Variants in TRERF1 observed in about 807,000 individuals in gnomAD.
TRERF1 encodes transcriptional regulating factor 1, also known as transcriptional-regulating factor 1.
Under a neutral mutation model 122.9 loss-of-function variants are expected in TRERF1, and 27 were observed. The observed-to-expected ratio is 0.22, with a 90% confidence interval of 0.16 to 0.30. The LOEUF (loss-of-function observed/expected upper bound fraction) is 0.30, where lower values mean the gene tolerates loss of function less well. Ranked by LOEUF, TRERF1 falls within the 10% of genes least tolerant of loss-of-function variation. The pLI is 1.00. For synonymous variants in TRERF1, 636 were observed against 641.7 expected (o/e 0.99, Z 0.13); for missense variants, 1,248 against 1,560.3 (o/e 0.80, Z 3.37).
At chr6:42,389,260 T>C (rs1328801552) in intron 2 of TRERF1, among the ~76,000 whole-genome samples, 1 of 152,164 alleles carries the variant, frequency 6.6e-6, no homozygotes, top group Non-Finnish European at 1.5e-5. Flanking sequence ...AGTCTGCCTA[T>C]CTATCAGCAA....
At chr6:42,385,733 T>G (rs1776693833) in intron 2 of TRERF1, among the ~76,000 whole-genome samples, 1 of 152,240 alleles carries the variant, frequency 6.6e-6, no homozygotes, top group African/African-American at 2.4e-5. Flanking sequence ...TGCCACTTCA[T>G]CATAAAATAA....
intron 3 of TRERF1, among the ~76,000 whole-genome samples, chr6:42,328,608 A>G (rs906392773): frequency 6.6e-6 from 1 of 152,104 alleles, no homozygotes; most frequent in Non-Finnish European, 1.5e-5. Context: ...TTTGGTTCCT[A>G]GCCCTAATTT....
intron 2 of TRERF1, among the ~76,000 whole-genome samples, chr6:42,371,825 C>G (rs1042637188): frequency 6.6e-6 from 1 of 152,148 alleles, no homozygotes. Flanking sequence ...AGGGGGAAAT[C>G]TTGCCCTGTA....
At chr6:42,418,197 C>T (rs1782133012) in intron 2 of TRERF1, among the ~76,000 whole-genome samples, 1 of 110,114 alleles carries the variant, frequency 9.1e-6, no homozygotes, top group Admixed American at 9.9e-5. Context: ...CTCTCTTTCT[C>T]TCCTTCTTTC....
intron 4 of TRERF1, among the ~76,000 whole-genome samples, chr6:42,294,455 C>T (rs893736431): frequency 6.6e-6 from 1 of 152,052 alleles, no homozygotes; most frequent in African/African-American, 2.4e-5. Context: ...GCTAGGATTA[C>T]AGGCATGAGC....
rs1033193663 is a variant in TRERF1, at chr6:42,423,773, T to A, written c.-454+27404A>T. On this transcript the variant is annotated intron_variant, in intron 2 of 17. Transcript: ENST00000372922. The stretch of plus-strand genomic sequence containing the variant: ...AATGACAAAAATGTCTACTCTGCCT[T>A]CAAAACCCAAGCTGACTCCTCCTTG... 2.0e-5 allele frequency among the ~76,000 whole-genome samples: 3 copies of A among 152,228 alleles called. No individual in the cohort carries two copies. The East Asian group carries it at 5.8e-4, about 29-fold the overall frequency.
chr6:42,225,041 G>A (rs149467972), downstream of TRERF1: 3 of 152,036 alleles, frequency 2.0e-5, no homozygotes, highest in East Asian at 5.8e-4. Flanking sequence ...TTTGATGAAT[G>A]CCCATCTATA....
intron 2 of TRERF1, among the ~76,000 whole-genome samples, chr6:42,394,872 C>T (rs1396372597): frequency 1.3e-5 from 2 of 152,140 alleles, no homozygotes; most frequent in African/African-American, 2.4e-5. Context: ...AAAAACCCAA[C>T]CTCCCCCCAA....
At chr6:42,402,527 AG>A (rs1779540966) in intron 2 of TRERF1, among the ~76,000 whole-genome samples, 1 of 152,280 alleles carries the variant, frequency 6.6e-6, no homozygotes, top group African/African-American at 2.4e-5. Context: ...GGCAGGGGGA[AG>A]GGGGGTTTCT....
At chr6:42,262,412 C>G (rs1025164851) in intron 8 of TRERF1, among the ~76,000 whole-genome samples, 1 of 134,910 alleles carries the variant, frequency 7.4e-6, no homozygotes. Context: ...GCCAACCACA[C>G]AGGTCACAAA....
intron 2 of TRERF1, among the ~76,000 whole-genome samples, chr6:42,394,342 C>A (rs527563112): frequency 1.3e-5 from 2 of 152,314 alleles, no homozygotes; most frequent in South Asian, 4.1e-4. Flanking sequence ...TGATCAACGC[C>A]CACCTTGGTG....
At chr6:42,365,942 T>A (rs184441072) in intron 2 of TRERF1, among the ~76,000 whole-genome samples, 1 of 152,342 alleles carries the variant, frequency 6.6e-6, no homozygotes, top group Non-Finnish European at 1.5e-5. Flanking sequence ...TCCACAGCCA[T>A]CCCTTGGGAT....
chr6:42,426,703 G>A (rs961640026), intron 2 of TRERF1, among the ~76,000 whole-genome samples: 9 of 152,134 alleles, frequency 5.9e-5, no homozygotes, highest in Non-Finnish European at 1.3e-4. Flanking sequence ...TGATTGGAAC[G>A]CAGACACGCT....
intron 3 of TRERF1, among the ~76,000 whole-genome samples, chr6:42,356,668 G>T (rs752907670): frequency 6.6e-6 from 1 of 152,170 alleles, no homozygotes; most frequent in Non-Finnish European, 1.5e-5. Context: ...TTCATCTCCC[G>T]GGTTCAAGCG....
intron 4 of TRERF1, among the ~76,000 whole-genome samples, chr6:42,299,586 G>A (rs1785782951): frequency 6.6e-6 from 1 of 152,166 alleles, no homozygotes; most frequent in Non-Finnish European, 1.5e-5. Context: ...ACATATTATA[G>A]ATGATTTGAG....
At chr6:42,369,679 A>G (rs1242690015) in intron 2 of TRERF1, among the ~76,000 whole-genome samples, 1 of 152,182 alleles carries the variant, frequency 6.6e-6, no homozygotes, top group Non-Finnish European at 1.5e-5. Flanking sequence ...TATTTTACAA[A>G]TATCTACCAG....
At chr6:42,352,169 AT>A (rs1043034618) in intron 3 of TRERF1, among the ~76,000 whole-genome samples, 13 of 151,974 alleles carry the variant, frequency 8.6e-5, no homozygotes, top group African/African-American at 2.9e-4. Flanking sequence ...TGCCTGGCTA[AT>A]TTTTTATGGA....
intron 2 of TRERF1, among the ~76,000 whole-genome samples, chr6:42,380,674 T>C (rs951800852): frequency 6.6e-6 from 1 of 152,216 alleles, no homozygotes; most frequent in African/African-American, 2.4e-5. Flanking sequence ...CCCCACCTTA[T>C]AGCAATTTCT....
chr6:42,427,063 A>G (rs1276726736), intron 2 of TRERF1, among the ~76,000 whole-genome samples: 2 of 151,582 alleles, frequency 1.3e-5, no homozygotes, highest in East Asian at 3.9e-4. Flanking sequence ...CAAAGTGCCT[A>G]TAATCCTAGC....
Sources: allele counts gnomAD v4.1 joint callset (sites outside exome capture counted in the v4.1 genomes callset), GRCh38; gene constraint gnomAD v4.1.1; transcripts MANE v1.5; gene names NCBI Gene and HGNC (gene_info 2026-07-23, HGNC 2026-07-21).